ZIM3: variants seen among roughly 807,000 people sequenced by gnomAD.
ZIM3 encodes the protein zinc finger imprinted 3.
ZIM3 carries 11 observed loss-of-function variants against 12.9 expected under a neutral mutation model. The observed-to-expected ratio is 0.85, with a 90% CI of 0.54 to 1.41. The LOEUF is 1.41. Ranked by LOEUF, ZIM3 falls within the 40% of genes most tolerant of loss-of-function variation. The pLI is 0.00. For missense variants in ZIM3, 604 were observed against 557.2 expected (o/e 1.08, Z -0.85); for synonymous variants, 205 against 198.5 (o/e 1.03, Z -0.28).
intron 2 of ZIM3, among the ~76,000 whole-genome samples, chr19:57,140,175 A>AT (rs1291857751): frequency 3.3e-5 from 5 of 151,676 alleles, no homozygotes; most frequent in African/African-American, 4.8e-5. Flanking sequence ...TTATTTATTA[A>AT]TTTTTTTTGG....
intron 2 of ZIM3, among the ~76,000 whole-genome samples, chr19:57,140,542 A>G (rs535541907): frequency 9.3e-5 from 14 of 151,046 alleles, no homozygotes; most frequent in African/African-American, 3.4e-4. Context: ...TGGCATGATC[A>G]TGGCTCACTG....
chr19:57,143,768 C>T (rs1204577217), intron 1 of ZIM3, among the ~76,000 whole-genome samples: 1 of 151,426 alleles, frequency 6.6e-6, no homozygotes, highest in Admixed American at 6.6e-5. Context: ...CTCTGCCTCC[C>T]GGGTTCAAGG....
intron 2 of ZIM3, 60 bp downstream of exon 2, chr19:57,142,569 A>G: frequency 6.3e-7 from 1 of 1,579,604 alleles, no homozygotes; most frequent in Non-Finnish European, 8.7e-7. Flanking sequence ...ATTCTGAGCA[A>G]GAGGAACGTG....
rs147434177 is a variant in ZIM3, at chr19:57,139,937, C to G, written c.16-1339G>C. On this transcript the variant is annotated intron_variant, in intron 2 of 4. Coordinates refer to ENST00000269834, the MANE Select transcript of ZIM3 (RefSeq NM_052882.1). ...CATGTCTACCACACTCCCACTCACA[C>G]AGGGTCACACAGCACTCCCCTGGGT... Among the ~76,000 whole-genome samples, 1,200 of 152,252 alleles carry G rather than the reference C, an allele frequency of 7.9e-3. 14 individuals are homozygous for G. The highest frequency in any genetic ancestry group is 0.028 in the African/African-American group (1,156 of 41,538).
intron 3 of ZIM3, among the ~76,000 whole-genome samples, chr19:57,137,693 A>T (rs1187367605): frequency 6.8e-6 from 1 of 147,272 alleles, no homozygotes; most frequent in Non-Finnish European, 1.5e-5. Context: ...AGCCTGGGTG[A>T]CAGAGCGAGA....
In ZIM3 at chr19:57,135,113, G is replaced by T; in HGVS notation, c.1224C>A (p.Ser408Arg). Residue 408 changes from serine to arginine, a missense_variant, in exon 5 of 5, where the codon AGC (serine) becomes AGA (arginine). Physicochemically the swap from Ser to Arg is moderately radical, Grantham distance 110. Transcript: ENST00000269834. Reference protein sequence around the residue: ...KAFFQKSNLHSHQKTHSGERT... With the variant: ...KAFFQKSNLHRHQKTHSGERT... ...TCTCTCCGCTATGAGTTTTCTGATG[G>T]CTATGAAGGTTTGACTTCTGAAAGA... is the stretch of plus-strand genomic sequence containing the variant. The T allele has an allele frequency of 6.2e-7, 1 of 1,614,140 alleles. No homozygotes were observed. Among genetic ancestry groups the T allele is most frequent in the Non-Finnish European group, 8.5e-7 (1 of 1,180,026 alleles).
intron 2 of ZIM3, among the ~76,000 whole-genome samples, chr19:57,141,418 A>C (rs2086913485): frequency 2.0e-5 from 3 of 148,258 alleles, no homozygotes; most frequent in Admixed American, 2.0e-4. Context: ...AAAAAAAAAA[A>C]AAACAACAAA....
chr19:57,135,235 A>G lies in ZIM3; in HGVS notation c.1102T>C (p.Cys368Arg). 6.2e-7 allele frequency: 1 copy of G among 1,613,978 alleles called. No homozygotes were observed. The highest frequency in any genetic ancestry group is 8.5e-7 in the Non-Finnish European group (1 of 1,179,978). ...TGKRAYECDLCGNTFIQKKNL... is the reference protein window; with the variant it reads ...TGKRAYECDLRGNTFIQKKNL... ...TTCTTCTGGATAAAGGTATTTCCACATAGATCACACTCATAAGCTCTCTTC... is the reference window on the plus strand; with the variant it reads ...TTCTTCTGGATAAAGGTATTTCCACGTAGATCACACTCATAAGCTCTCTTC... Residue 368 changes from cysteine to arginine, a missense_variant, in exon 5 of 5, where the codon TGT (cysteine) becomes CGT (arginine). By Grantham distance (180) the Cys-to-Arg change is radical. Coordinates refer to ENST00000269834, the MANE Select transcript of ZIM3 (RefSeq NM_052882.1).
In ZIM3 at chr19:57,136,722, G is replaced by T. The variant is rs531035177; in HGVS notation, c.241+151C>A. 2.5e-3 allele frequency: 1,501 copies of T among 588,890 alleles called. 5 individuals carry two copies. The highest frequency in any genetic ancestry group is 3.5e-3 in the Non-Finnish European group (1,157 of 330,798). 36.5% of individuals were successfully genotyped at this position (588,890 alleles called of 1,614,324 possible). ...TGCAAAGGAAAACCCAGATAAGAATGTAAAGAAATTTCTGAGTGGAGAAAA... is the reference window on the plus strand; with the variant it reads ...TGCAAAGGAAAACCCAGATAAGAATTTAAAGAAATTTCTGAGTGGAGAAAA... On this transcript the variant is annotated intron_variant, in intron 4 of 4. Coordinates refer to ENST00000269834, the MANE Select transcript of ZIM3 (RefSeq NM_052882.1).
intron 1 of ZIM3, among the ~76,000 whole-genome samples, chr19:57,143,551 G>T (rs2086924484): frequency 1.3e-5 from 2 of 152,094 alleles, no homozygotes; most frequent in Admixed American, 6.6e-5. Flanking sequence ...CCATAAGCGG[G>T]ACAGCTGGAT....
At chr19:57,142,143 T>TTC (rs371729150) in intron 2 of ZIM3, among the ~76,000 whole-genome samples, 10 of 13,348 alleles carry the variant, frequency 7.5e-4, no homozygotes, top group African/African-American at 2.0e-3. Context: ...GTAACCAAGC[T>TTC]TTTTTTTTTT....
At chr19:57,141,415 A>C (rs967965372) in intron 2 of ZIM3, among the ~76,000 whole-genome samples, 12 of 149,494 alleles carry the variant, frequency 8.0e-5, no homozygotes, top group Admixed American at 2.0e-4. Context: ...AAAAAAAAAA[A>C]AAAAAACAAC....
chr19:57,142,612 T>A lies in ZIM3; in HGVS notation c.15+17A>T. On this transcript the variant is annotated intron_variant, in intron 2 of 4. Coordinates refer to ENST00000269834, the MANE Select transcript of ZIM3 (RefSeq NM_052882.1). Reference sequence around the variant, plus strand: ...CGTTTATTCATTATGAGATTTAGATTTTTTTGAAAAGCTCACCTGGGAATT... The same window carrying A: ...CGTTTATTCATTATGAGATTTAGATATTTTTGAAAAGCTCACCTGGGAATT... 2.5e-6 allele frequency: 4 copies of A among 1,613,602 alleles called. No homozygotes were observed. In the Middle Eastern group the frequency reaches 5.0e-4, roughly 200 times the overall value.
intron 4 of ZIM3, 28 bp from the exon 5 acceptor site, chr19:57,136,123 G>A (rs1242555462): frequency 6.4e-7 from 1 of 1,568,352 alleles, no homozygotes; most frequent in African/African-American, 1.4e-5. Flanking sequence ...AAAATGTCCT[G>A]TGTAAAACGT....
chr19:57,139,474 C>T (rs1469124480), intron 2 of ZIM3, among the ~76,000 whole-genome samples: 1 of 151,780 alleles, frequency 6.6e-6, no homozygotes, highest in African/African-American at 2.4e-5. Flanking sequence ...ACCTATAATC[C>T]CAGCACTTCA....
rs2086874399 is a variant in ZIM3, at chr19:57,134,232, A to G, written c.*686T>C. 6.6e-6 allele frequency: 1 copy of G among 152,230 alleles called. No homozygotes were observed. Among genetic ancestry groups the G allele is most frequent in the Admixed American group, 6.5e-5 (1 of 15,270 alleles). The allele number at this position is 152,230 out of a possible 1,614,324, so 9.4% of individuals were successfully genotyped here. ...AGAGAAACCTCTCCACTCATGAATT[A>G]TAGAAATCATCCCTAAAAGTATAAA... On this transcript the variant is annotated 3_prime_UTR_variant, in exon 5 of 5. Coordinates refer to ENST00000269834, the MANE Select transcript of ZIM3 (RefSeq NM_052882.1).
intron 2 of ZIM3, among the ~76,000 whole-genome samples, chr19:57,140,913 C>G (rs1243536148): frequency 6.6e-6 from 1 of 152,180 alleles, no homozygotes; most frequent in Non-Finnish European, 1.5e-5. Context: ...CCGACTGGTA[C>G]TAGTTAATGA....
intron 2 of ZIM3, among the ~76,000 whole-genome samples, chr19:57,141,997 T>C (rs1599924106): frequency 6.6e-6 from 1 of 152,148 alleles, no homozygotes. Flanking sequence ...GTTAGGGAGA[T>C]GGATTTGAGG....
intron 1 of ZIM3, 21 bp from the exon 2 acceptor site, chr19:57,142,706 A>G (rs2086918925): frequency 6.3e-6 from 10 of 1,580,308 alleles, no homozygotes; most frequent in Middle Eastern, 1.7e-4. Context: ...ATGGAAAAGA[A>G]CCATGAAATA....
Sources: gnomAD v4.1 joint callset for allele counts (sites outside exome capture counted in the v4.1 genomes callset) on GRCh38, gnomAD v4.1.1 for gene constraint, MANE v1.5 for transcripts, NCBI Gene and HGNC (gene_info 2026-07-23, HGNC 2026-07-21) for gene names.